TAF4: variants seen among roughly 807,000 people sequenced by gnomAD.
TAF4 encodes transcription initiation factor TFIID subunit 4.
Under a neutral mutation model 90.3 loss-of-function variants are expected in TAF4, and 9 were observed. The ratio of observed to expected loss-of-function variants is 0.10; its 90% CI spans 0.06 to 0.17. The LOEUF is 0.17. TAF4 is among the 10% of genes least tolerant of loss of function. TAF4 has a pLI of 1.00. For synonymous variants in TAF4, 818 were observed against 638.9 expected, an observed-to-expected ratio of 1.28 and a Z score of -4.23; for missense variants, 1,351 against 1,370.7, an observed-to-expected ratio of 0.99 and a Z score of 0.23.
At chr20:61,976,419 C>G in intron 14 of TAF4, 84 bp from the exon 15 acceptor site, 1 of 1,522,894 alleles carries the variant, frequency 6.6e-7, no homozygotes, top group South Asian at 1.2e-5. Context: ...AGCCAAGTAC[C>G]CCGATTCCAG....
At chr20:61,985,779 GTGTT>G (rs1476277643) in intron 14 of TAF4, among the ~76,000 whole-genome samples, 1 of 151,810 alleles carries the variant, frequency 6.6e-6, no homozygotes, top group Non-Finnish European at 1.5e-5. Context: ...GTGCAGACGA[GTGTT>G]TGTGTGTGTG....
In TAF4 at chr20:62,006,732, C is replaced by G. The variant is rs373966914; in HGVS notation, c.2001G>C (p.Leu667=). 10 of 1,543,706 alleles carry G rather than the reference C, an allele frequency of 6.5e-6. No individual in the cohort carries two copies. Among genetic ancestry groups the G allele is most frequent in the Non-Finnish European group, 8.8e-6 (10 of 1,137,614 alleles). ...LKRSLPALRQ[L]TPDSAAFIQQ... ...GGATGAAGGCCGCGGAGTCGGGGGTCAGCTGTCTCAAGGCGGGTAAGCTCC... is the reference window on the plus strand; with the variant it reads ...GGATGAAGGCCGCGGAGTCGGGGGTGAGCTGTCTCAAGGCGGGTAAGCTCC... Residue 667 remains leucine, a synonymous_variant, in exon 7 of 15, where the codon CTG becomes CTC. Transcript: ENST00000252996. The surrounding 1 kb of genome is among the most constrained non-coding windows in gnomAD (Gnocchi z 7.0).
Position 62,065,387 on chromosome 20 carries a change from C to G in TAF4, c.424G>C (p.Ala142Pro). ...GSAGSCAPVP[A>P]AAAVAAGPEP... Reference sequence around the variant, plus strand: ...GGCCCCGCGGCGACGGCGGCGGCGGCGGGCACCGGGGCGCAGGACCCCGCG... The same window carrying G: ...GGCCCCGCGGCGACGGCGGCGGCGGGGGGCACCGGGGCGCAGGACCCCGCG... The change falls in exon 1 of 15, where the codon GCC becomes CCC. Residue 142 changes from alanine (A) to proline (P), a missense_variant. Ala to Pro is a conservative substitution (Grantham distance 27). Coordinates refer to ENST00000252996, the MANE Select transcript of TAF4 (RefSeq NM_003185.4). 1.0e-6 allele frequency: 1 copy of G among 970,094 alleles called. No homozygotes were observed. The highest frequency in any genetic ancestry group is 1.2e-6 in the Non-Finnish European group (1 of 822,038). The allele number at this position is 970,094 out of a possible 1,614,324, so 60.1% of individuals were successfully genotyped here. A position where few individuals can be genotyped will look rare whatever the true frequency, so the allele number is the denominator to read the frequency against.
intron 11 of TAF4, among the ~76,000 whole-genome samples, chr20:61,999,490 G>C (rs1248905433): frequency 6.6e-6 from 1 of 152,264 alleles, no homozygotes; most frequent in Non-Finnish European, 1.5e-5. Flanking sequence ...TGTGGCAGCA[G>C]GCACCACCTC....
intron 1 of TAF4, among the ~76,000 whole-genome samples, chr20:62,038,644 A>G (rs1440589869): frequency 2.0e-5 from 3 of 152,250 alleles, no homozygotes; most frequent in Non-Finnish European, 2.9e-5. Flanking sequence ...AAAAATCCTG[A>G]AAGGCCTAAA....
At chr20:62,000,483 C>A in intron 10 of TAF4, 69 bp downstream of exon 10, 1 of 1,540,084 alleles carries the variant, frequency 6.5e-7, no homozygotes, top group South Asian at 1.2e-5. Flanking sequence ...CAGGTGTGCT[C>A]ACCTGAAGCT....
chr20:62,052,779 C>G (rs1463467697), intron 1 of TAF4, among the ~76,000 whole-genome samples: 2 of 145,790 alleles, frequency 1.4e-5, no homozygotes, highest in Non-Finnish European at 3.0e-5. Context: ...AAGCCACCCC[C>G]ACAACACCAG....
chr20:61,998,080 G>C, intron 13 of TAF4, 56 bp downstream of exon 13: 1 of 1,548,688 alleles, frequency 6.5e-7, no homozygotes, highest in Non-Finnish European at 8.8e-7. Flanking sequence ...CCCTCCCGTG[G>C]GGCGCTACAG....
At chr20:62,013,816 C>A (rs1336219984) in intron 2 of TAF4, among the ~76,000 whole-genome samples, 4 of 152,170 alleles carry the variant, frequency 2.6e-5, no homozygotes, top group Non-Finnish European at 5.9e-5. Flanking sequence ...CCGGGAGAGG[C>A]AAGTCCTGGG....
At chr20:62,021,528 C>T (rs991508477) in intron 1 of TAF4, among the ~76,000 whole-genome samples, 2 of 152,240 alleles carry the variant, frequency 1.3e-5, no homozygotes, top group African/African-American at 4.8e-5. Flanking sequence ...AGCCAAGGGC[C>T]GTGCGCGCCC....
In TAF4 at chr20:62,065,352, G is replaced by T; in HGVS notation, c.459C>A (p.Ala153=). Residue 153 remains alanine, a synonymous_variant, in exon 1 of 15, where the codon GCC becomes GCA. Transcript: ENST00000252996. The part of the protein sequence containing the change: ...AAAVAAGPEP[A]PAGPAKPAGP... Reference sequence around the variant, plus strand: ...CGGCGGGCTTGGCGGGGCCGGCGGGGGCGGGCTCGGGCCCCGCGGCGACGG... The same window carrying T: ...CGGCGGGCTTGGCGGGGCCGGCGGGTGCGGGCTCGGGCCCCGCGGCGACGG... 1.0e-6 allele frequency: 1 copy of T among 968,988 alleles called. No individual in the cohort carries two copies. The highest frequency in any genetic ancestry group is 1.2e-6 in the Non-Finnish European group (1 of 820,196). The allele number at this position is 968,988 out of a possible 1,614,324, so 60.0% of individuals were successfully genotyped here.
chr20:62,035,602 T>C (rs992909442), intron 1 of TAF4, among the ~76,000 whole-genome samples: 2 of 152,116 alleles, frequency 1.3e-5, no homozygotes, highest in Admixed American at 6.5e-5. Context: ...AAAGCTATCA[T>C]TTTAGAAGAA....
chr20:61,982,585 ACCCCACCCGAGAGGAGACACCAAACCCAC>A (rs2055556082), intron 14 of TAF4, among the ~76,000 whole-genome samples: 2 of 89,822 alleles, frequency 2.2e-5, no homozygotes, highest in African/African-American at 8.7e-5. Flanking sequence ...CCAAACCCAC[ACCCCACCCGAGAGGAGACACCAAACCCAC>A]ACCCACCCGA....
chr20:62,015,367 TG>T, intron 1 of TAF4, among the ~76,000 whole-genome samples: 1 of 152,362 alleles, frequency 6.6e-6, no homozygotes, highest in African/African-American at 2.4e-5. Context: ...CATTCAGGTT[TG>T]GCATTAATGT....
At position 62,065,499 on chromosome 20, in the gene TAF4, G is replaced by C. The variant is rs1407635298; in HGVS notation, c.312C>G (p.Arg104=). 4.5e-5 allele frequency: 44 copies of C among 971,426 alleles called. No homozygotes were observed. Among genetic ancestry groups the C allele is most frequent in the Non-Finnish European group, 5.2e-5 (43 of 820,540 alleles). 60.2% of individuals were successfully genotyped at this position (971,426 alleles called of 1,614,324 possible). A position where few individuals can be genotyped will look rare whatever the true frequency, so the allele number is the denominator to read the frequency against. Residue 104 remains arginine (R), a synonymous_variant, in exon 1 of 15, where the codon CGC becomes CGG. Coordinates refer to ENST00000252996, the MANE Select transcript of TAF4 (RefSeq NM_003185.4). ...RARPGGGGPQ[R]PGPPSPRRPL... ...GGCGGCGCGGTGAGGGGGGGCCCGG[G>C]CGCTGCGGCCCCCCGCCCCCCGGCC...
rs144096759 is a variant in TAF4, at chr20:62,010,070, C to T, written c.1737G>A (p.Ala579=). 168 of 1,613,400 alleles carry T rather than the reference C, an allele frequency of 1.0e-4. No individual in the cohort carries two copies. The highest frequency in any genetic ancestry group is 9.4e-5 in the African/African-American group (7 of 74,866). The change falls in exon 4 of 15, where the codon GCG becomes GCA. Residue 579 remains alanine (A), a synonymous_variant. Transcript: ENST00000252996. The surrounding 1 kb of genome is among the most constrained non-coding windows in gnomAD (Gnocchi z 4.5). ...TGTPQRTVPG[A]TTTSSAATET... ...CCGTGGCAGCTGAGGAAGTGGTGGT[C>T]GCCCCTGGTACCGTGCGCTGAGGAG... is the stretch of plus-strand genomic sequence containing the variant.
intron 3 of TAF4, 113 bp downstream of exon 3, chr20:62,012,702 C>T (rs974818379): frequency 6.8e-6 from 9 of 1,323,844 alleles, no homozygotes; most frequent in East Asian, 5.5e-5. Flanking sequence ...CCAGATTTGA[C>T]GTAGTATCCA....
Position 62,056,354 on chromosome 20 carries a change from T to C in TAF4, c.1360+8097A>G, listed in dbSNP as rs553572265. Among the ~76,000 whole-genome samples, 57 of 152,322 alleles carry C rather than the reference T, an allele frequency of 3.7e-4. 1 individual carries two copies. The highest frequency in any genetic ancestry group is 1.3e-3 in the African/African-American group (56 of 41,560). ...CACTCAAAGAAATGCAACTTAAAAC[T>C]AGACACGATTTTCTTCCTTTAGAAT... is the stretch of plus-strand genomic sequence containing the variant. On this transcript the variant is annotated intron_variant, in intron 1 of 14. Coordinates refer to ENST00000252996, the MANE Select transcript of TAF4 (RefSeq NM_003185.4).
intron 1 of TAF4, among the ~76,000 whole-genome samples, chr20:62,054,096 A>G (rs1249653031): frequency 1.3e-5 from 2 of 152,228 alleles, no homozygotes; most frequent in Non-Finnish European, 2.9e-5. Context: ...CCATGCACTC[A>G]GGATATTCCC....
Sources: gnomAD v4.1 joint callset for allele counts (sites outside exome capture counted in the v4.1 genomes callset) on GRCh38, gnomAD v4.1.1 for gene constraint, Gnocchi (gnomAD v3.1) non-coding constraint, MANE v1.5 for transcripts, NCBI Gene and HGNC (gene_info 2026-07-23, HGNC 2026-07-21) for gene names.